The following AGAP1 variants were observed in gnomAD, a reference collection of about 807,000 sequenced individuals.
AGAP1 encodes ArfGAP with GTPase domain, ankyrin repeat and PH domain 1.
In AGAP1, 29 loss-of-function variants were observed where a neutral mutation model predicts 105.3. The observed-to-expected ratio is 0.28, with a 90% CI of 0.21 to 0.38. AGAP1 has a LOEUF of 0.38. Among genes scored for constraint, AGAP1 ranks in the 10% least tolerant of loss-of-function variants. The probability of loss-of-function intolerance (pLI) is 1.00; values close to 1 mark genes in which losing one functional copy is unlikely to be tolerated. For synonymous variants in AGAP1, 509 were observed against 485.9 expected (o/e 1.05, Z -0.63); for missense variants, 998 against 1,165.1 (o/e 0.86, Z 2.09).
chr2:236,071,191 C>G (rs1358645533), intron 16 of AGAP1, among the ~76,000 whole-genome samples: 3 of 152,202 alleles, frequency 2.0e-5, no homozygotes, highest in African/African-American at 7.2e-5. Context: ...CCCGAATAAT[C>G]CTTTTTAGAA....
At chr2:235,619,339 C>G (rs1351045432) in intron 1 of AGAP1, among the ~76,000 whole-genome samples, 1 of 151,410 alleles carries the variant, frequency 6.6e-6, no homozygotes, top group Admixed American at 6.6e-5. Context: ...GGATTCAAAC[C>G]TGGGGCTGAA....
rs2057580712 is a variant in AGAP1 at position 236,042,522 on chromosome 2, C to CT, written c.1891+1687dup. ...TATCAAAAAGTTTTAAAAGTAAGAG[C>CT]TTTTTTAAAAGCACGAATCTGAGAA... On this transcript the variant is annotated intron_variant, in intron 15 of 17. Transcript: ENST00000304032. This position sits in a 1 kb window ranked among gnomAD's most constrained non-coding sequence, Gnocchi z 5.6. Among the ~76,000 whole-genome samples the CT allele has an allele frequency of 6.6e-6, 1 of 152,114 alleles. No homozygotes were observed. Among genetic ancestry groups the CT allele is most frequent in the Admixed American group, 6.6e-5 (1 of 15,264 alleles).
chr2:235,712,174 C>T lies in AGAP1; in HGVS notation c.222+2937C>T, dbSNP rs978429116. Reference sequence around the variant, plus strand: ...AGTAGCTGGGATGACAGGCACCCACCACCACATCTGGCTAATTTTTTATTT... The same window carrying T: ...AGTAGCTGGGATGACAGGCACCCACTACCACATCTGGCTAATTTTTTATTT... On this transcript the variant is annotated intron_variant, in intron 2 of 17. Transcript: ENST00000304032. The surrounding 1 kb of genome is among the most constrained non-coding windows in gnomAD (Gnocchi z 6.0). Among the ~76,000 whole-genome samples, 6 of 152,160 alleles carry T rather than the reference C, an allele frequency of 3.9e-5. No individual in the cohort carries two copies. The highest frequency in any genetic ancestry group is 1.4e-4 in the African/African-American group (6 of 41,436).
At chr2:235,677,928 A>G (rs1948837820) in intron 1 of AGAP1, among the ~76,000 whole-genome samples, 5 of 55,188 alleles carry the variant, frequency 9.1e-5, no homozygotes, top group Non-Finnish European at 1.6e-4. Context: ...AAAAAAAAAA[A>G]AAAAAAAAAA....
chr2:235,524,909 G>T (rs953702124), intron 1 of AGAP1, among the ~76,000 whole-genome samples: 1 of 152,174 alleles, frequency 6.6e-6, no homozygotes, highest in Non-Finnish European at 1.5e-5. Context: ...CTAATTCTTT[G>T]TGCAGATTCT....
At chr2:235,677,016 C>A (rs1948777146) in intron 1 of AGAP1, among the ~76,000 whole-genome samples, 1 of 152,126 alleles carries the variant, frequency 6.6e-6, no homozygotes, top group Non-Finnish European at 1.5e-5. Flanking sequence ...TTTATTCAGC[C>A]CAAATTAGAA....
intron 2 of AGAP1, among the ~76,000 whole-genome samples, chr2:235,710,829 C>T (rs1014670874): frequency 2.0e-5 from 3 of 152,176 alleles, no homozygotes; most frequent in African/African-American, 7.2e-5. Context: ...GTGATGGGCA[C>T]GGAACAGTAG....
At chr2:235,995,525 CAAAAG>C (rs769814516) in intron 13 of AGAP1, among the ~76,000 whole-genome samples, 4 of 152,060 alleles carry the variant, frequency 2.6e-5, no homozygotes, top group Admixed American at 6.6e-5. Flanking sequence ...AAAAAACAAA[CAAAAG>C]AAAGAAAAAA....
chr2:235,626,069 G>T (rs893752745), intron 1 of AGAP1, among the ~76,000 whole-genome samples: 1 of 151,934 alleles, frequency 6.6e-6, no homozygotes, highest in Non-Finnish European at 1.5e-5. Flanking sequence ...CTGAATATAG[G>T]CCAGTGCGGT....
At chr2:235,859,110 G>C (rs757408724) in intron 9 of AGAP1, among the ~76,000 whole-genome samples, 16 of 152,144 alleles carry the variant, frequency 1.1e-4, no homozygotes, top group Non-Finnish European at 2.1e-4. Flanking sequence ...AATGGTGCTC[G>C]GCGGCTGCTG....
intron 1 of AGAP1, among the ~76,000 whole-genome samples, chr2:235,675,945 G>T (rs1948713131): frequency 3.3e-5 from 5 of 152,194 alleles, no homozygotes; most frequent in African/African-American, 2.4e-5. Flanking sequence ...GTGTTGACAG[G>T]CACATTGTAG....
Position 236,000,235 on chromosome 2 carries a change from A to G in AGAP1, c.1645+31612A>G, listed in dbSNP as rs917273815. ...CAATGTCATTCATCAATAGGTTCTT[A>G]AAACTTCGACTTGAAGCGAAAGGAC... is the stretch of plus-strand genomic sequence containing the variant. On this transcript the variant is annotated intron_variant, in intron 13 of 17. Transcript: ENST00000304032. This position sits in a 1 kb window ranked among gnomAD's most constrained non-coding sequence, Gnocchi z 4.3. Among the ~76,000 whole-genome samples the G allele has an allele frequency of 1.3e-5, 2 of 152,210 alleles. No homozygotes were observed. The highest frequency in any genetic ancestry group is 4.8e-5 in the African/African-American group (2 of 41,452).
Position 235,908,835 on chromosome 2 carries a change from C to T in AGAP1, c.1253C>T (p.Ala418Val), listed in dbSNP as rs2051434290. 1.2e-6 allele frequency: 2 copies of T among 1,614,116 alleles called. No individual in the cohort carries two copies. Among genetic ancestry groups the T allele is most frequent in the Non-Finnish European group, 1.7e-6 (2 of 1,180,030 alleles). The change falls in exon 11 of 18, where the codon GCA (alanine) becomes GTA (valine). Residue 418 changes from alanine (A) to valine (V), a missense_variant. Physicochemically the swap from Ala to Val is moderately conservative, Grantham distance 64. This residue lies in a region of AGAP1 where 735 missense variants were observed against 833.4 expected (regional missense o/e 0.88). Transcript: ENST00000304032. The surrounding 1 kb of genome is among the most constrained non-coding windows in gnomAD (Gnocchi z 4.4). ...CCACCCCGAGCCACGTCAGCCTGCGCACCCATCTCCAGCCCTAAAACCAAT... is the reference window on the plus strand; with the variant it reads ...CCACCCCGAGCCACGTCAGCCTGCGTACCCATCTCCAGCCCTAAAACCAAT... ...KRPPRATSAC[A>V]PISSPKTNGL... is the part of the protein sequence containing the mutation.
intron 6 of AGAP1, among the ~76,000 whole-genome samples, chr2:235,763,892 G>A (rs567870218): frequency 1.3e-5 from 2 of 152,220 alleles, no homozygotes; most frequent in African/African-American, 2.4e-5. Context: ...TGCTCTTACA[G>A]ATGCGCGCTT....
rs141956702 is a variant in AGAP1, at chr2:235,626,114, C to T, written c.164-83065C>T. Reference sequence around the variant, plus strand: ...CTGTAATCCCAGCACTTTGGGAGGCCGAGGCAGGTGGATCACTTGAGGTCA... The same window carrying T: ...CTGTAATCCCAGCACTTTGGGAGGCTGAGGCAGGTGGATCACTTGAGGTCA... On this transcript the variant is annotated intron_variant, in intron 1 of 17. Coordinates refer to ENST00000304032, the MANE Select transcript of AGAP1 (RefSeq NM_001037131.3). Among the ~76,000 whole-genome samples, 624 of 151,392 alleles carry T rather than the reference C, an allele frequency of 4.1e-3. 6 individuals are homozygous for T. The highest frequency in any genetic ancestry group is 0.014 in the African/African-American group (588 of 41,208).
At position 236,082,501 on chromosome 2, in the gene AGAP1, A is replaced by G. The variant is rs1177855687; in HGVS notation, c.2114+33220A>G. Among the ~76,000 whole-genome samples the G allele has an allele frequency of 6.6e-6, 1 of 152,214 alleles. No individual in the cohort carries two copies. Among genetic ancestry groups the G allele is most frequent in the Admixed American group, 6.5e-5 (1 of 15,278 alleles). On this transcript the variant is annotated intron_variant, in intron 16 of 17. Coordinates refer to ENST00000304032, the MANE Select transcript of AGAP1 (RefSeq NM_001037131.3). The surrounding 1 kb of genome is among the most constrained non-coding windows in gnomAD (Gnocchi z 4.2). ...TCCTAAGCATCGATCCCCTCCAGAA[A>G]GGAAGATGGTTCCCAAAAGGCCTAT... is the stretch of plus-strand genomic sequence containing the variant.
At chr2:235,817,098 C>G (rs996286234) in intron 9 of AGAP1, among the ~76,000 whole-genome samples, 4 of 152,152 alleles carry the variant, frequency 2.6e-5, no homozygotes, top group African/African-American at 9.7e-5. Context: ...AGCACCTCTC[C>G]TGGCAGAGAG....
At chr2:235,688,669 C>T (rs757679095) in intron 1 of AGAP1, among the ~76,000 whole-genome samples, 4 of 152,160 alleles carry the variant, frequency 2.6e-5, no homozygotes, top group Admixed American at 1.3e-4. Flanking sequence ...GTCATGACCA[C>T]GTGTGTACCC....
intron 1 of AGAP1, among the ~76,000 whole-genome samples, chr2:235,541,127 A>C (rs1175261523): frequency 6.6e-6 from 1 of 152,208 alleles, no homozygotes; most frequent in Non-Finnish European, 1.5e-5. Context: ...CAGTAGCTCT[A>C]TTTAATAATC....
Sources: gnomAD v4.1 joint callset for allele counts (sites outside exome capture counted in the v4.1 genomes callset) on GRCh38, gnomAD v4.1.1 for gene constraint, gnomAD v4.1.1 regional missense constraint, Gnocchi (gnomAD v3.1) non-coding constraint, MANE v1.5 for transcripts, NCBI Gene and HGNC (gene_info 2026-07-23, HGNC 2026-07-21) for gene names.